ROBO2: variants seen among roughly 807,000 people sequenced by gnomAD.
The protein encoded by ROBO2 is roundabout guidance receptor 2.
A neutral mutation model predicts 160.8 loss-of-function variants in ROBO2; 53 were observed. The observed-to-expected ratio is 0.33, with a 90% CI of 0.26 to 0.41. ROBO2 has a LOEUF of 0.41. ROBO2 is among the 10% of genes least tolerant of loss of function. The pLI is 1.00. For synonymous variants in ROBO2, 664 were observed against 611.7 expected (o/e 1.09, Z -1.26); for missense variants, 1,577 against 1,722.4 (o/e 0.92, Z 1.49).
At chr3:76,586,686 C>G (rs560687527) in intron 2 of ROBO2, among the ~76,000 whole-genome samples, 21 of 152,180 alleles carry the variant, frequency 1.4e-4, no homozygotes, top group Admixed American at 1.4e-3. Context: ...CCATATTGCA[C>G]AACATAGTAT....
At chr3:77,351,727 G>A (rs952401970) in intron 2 of ROBO2, among the ~76,000 whole-genome samples, 1 of 152,130 alleles carries the variant, frequency 6.6e-6, no homozygotes, top group Non-Finnish European at 1.5e-5. Flanking sequence ...TCAGCCTAAA[G>A]CTGTTGAGAG....
intron 2 of ROBO2, among the ~76,000 whole-genome samples, chr3:77,024,438 A>G (rs1291943593): frequency 1.3e-5 from 2 of 152,226 alleles, no homozygotes; most frequent in Non-Finnish European, 2.9e-5. Context: ...GGACGGAATC[A>G]GCAAAACAGG....
intron 13 of ROBO2, among the ~76,000 whole-genome samples, chr3:77,571,025 A>G (rs1240204759): frequency 6.6e-6 from 1 of 152,058 alleles, no homozygotes; most frequent in Non-Finnish European, 1.5e-5. Context: ...GCTGTTCCAC[A>G]AAGAAAAATA....
At chr3:76,213,132 T>A (rs1703258219) in intron 2 of ROBO2, among the ~76,000 whole-genome samples, 1 of 152,110 alleles carries the variant, frequency 6.6e-6, no homozygotes, top group Admixed American at 6.6e-5. Context: ...ATGGGTAGAA[T>A]TTCAATGATA....
At chr3:76,531,495 CTT>C (rs1169351190) in intron 2 of ROBO2, among the ~76,000 whole-genome samples, 1 of 142,988 alleles carries the variant, frequency 7.0e-6, no homozygotes, top group Non-Finnish European at 1.6e-5. Flanking sequence ...TTTTAATTAA[CTT>C]ATGATTTTAT....
chr3:76,823,967 T>A (rs928043156), intron 2 of ROBO2, among the ~76,000 whole-genome samples: 10 of 152,172 alleles, frequency 6.6e-5, no homozygotes, highest in Non-Finnish European at 1.5e-4. Flanking sequence ...AAAAGTTTGC[T>A]TGTAAAACAG....
At chr3:77,432,824 T>C (rs866336400) in intron 2 of ROBO2, among the ~76,000 whole-genome samples, 1 of 152,188 alleles carries the variant, frequency 6.6e-6, no homozygotes, top group African/African-American at 2.4e-5. Context: ...TGCTGGTTTA[T>C]TGTGTCTCAC....
intron 2 of ROBO2, among the ~76,000 whole-genome samples, chr3:76,353,117 G>A (rs1306915442): frequency 6.6e-6 from 1 of 151,970 alleles, no homozygotes; most frequent in East Asian, 1.9e-4. Flanking sequence ...TGCAAACAAG[G>A]TTAAAATGGA....
At chr3:77,283,153 G>A (rs1243836726) in intron 2 of ROBO2, among the ~76,000 whole-genome samples, 2 of 152,062 alleles carry the variant, frequency 1.3e-5, no homozygotes, top group Admixed American at 1.3e-4. Context: ...AGAAAAATAT[G>A]TATAATATAT....
At chr3:76,861,698 G>T (rs1025903165) in intron 2 of ROBO2, among the ~76,000 whole-genome samples, 1 of 152,076 alleles carries the variant, frequency 6.6e-6, no homozygotes, top group African/African-American at 2.4e-5. Context: ...TTGATATCAG[G>T]TTGGTATCTT....
chr3:77,477,626 CAAAATAG>C, intron 3 of ROBO2, 55 bp downstream of exon 3: 6 of 1,488,360 alleles, frequency 4.0e-6, no homozygotes, highest in South Asian at 1.1e-5. Flanking sequence ...TCTCAAAATA[CAAAATAG>C]ATGTATTTTA....
intron 2 of ROBO2, among the ~76,000 whole-genome samples, chr3:77,451,263 A>G (rs924377071): frequency 3.9e-5 from 6 of 152,118 alleles, no homozygotes; most frequent in African/African-American, 1.4e-4. Flanking sequence ...TTGAATTTTA[A>G]AGTTTGAAAA....
intron 2 of ROBO2, among the ~76,000 whole-genome samples, chr3:76,267,802 A>G (rs555344608): frequency 1.3e-5 from 2 of 152,250 alleles, no homozygotes; most frequent in African/African-American, 4.8e-5. Flanking sequence ...AATTAAAGCT[A>G]TATTAATGAT....
At chr3:76,486,736 T>TA (rs1194286204) in intron 2 of ROBO2, among the ~76,000 whole-genome samples, 1 of 152,194 alleles carries the variant, frequency 6.6e-6, no homozygotes, top group African/African-American at 2.4e-5. Flanking sequence ...CTCAAAATGA[T>TA]AGCTAATACT....
rs114362394 is a variant in ROBO2 at position 76,863,750 on chromosome 3, G to A, written c.110-234264G>A. On this transcript the variant is annotated intron_variant, in intron 2 of 26. Coordinates refer to the ROBO2 transcript ENST00000487694. Reference sequence around the variant, plus strand: ...ATGAAATTAAATATATAACATGTAAGTTAATTATTATGAGAATGTGTGACT... The same window carrying A: ...ATGAAATTAAATATATAACATGTAAATTAATTATTATGAGAATGTGTGACT... Among the ~76,000 whole-genome samples, 3 of 151,932 alleles carry A rather than the reference G, an allele frequency of 2.0e-5. No individual in the cohort carries two copies. The South Asian group carries it at 6.2e-4, about 31-fold the overall frequency.
chr3:76,329,411 T>G (rs1339216553), intron 2 of ROBO2, among the ~76,000 whole-genome samples: 2 of 152,084 alleles, frequency 1.3e-5, no homozygotes, highest in East Asian at 1.9e-4. Flanking sequence ...AGAGATGGGG[T>G]TTCCCCGTGT....
At chr3:75,967,126 A>G (rs1407910428) in intron 2 of ROBO2, among the ~76,000 whole-genome samples, 1 of 151,684 alleles carries the variant, frequency 6.6e-6, no homozygotes, top group Non-Finnish European at 1.5e-5. Context: ...TCTTTTAAGG[A>G]GTACACCAAT....
chr3:75,977,220 A>G (rs544203677), intron 2 of ROBO2, among the ~76,000 whole-genome samples: 3 of 151,544 alleles, frequency 2.0e-5, no homozygotes, highest in Non-Finnish European at 3.0e-5. Flanking sequence ...CCCTGGCAAC[A>G]TAATAGACAC....
Position 76,806,513 on chromosome 3 carries a change from C to CAA in ROBO2, c.110-291493_110-291492dup, listed in dbSNP as rs534102700. Among the ~76,000 whole-genome samples, 217 of 147,896 alleles carry CAA rather than the reference C, an allele frequency of 1.5e-3. 1 individual carries two copies. Among genetic ancestry groups the CAA allele is most frequent in the African/African-American group, 5.3e-3 (212 of 40,278 alleles). The stretch of plus-strand genomic sequence containing the variant: ...TAGTTTGTCTTCAATAAGTGTTTGC[C>CAA]AAAAAAAAACATGAATAAAAATGAA... On this transcript the variant is annotated intron_variant, in intron 2 of 26. Coordinates refer to the ROBO2 transcript ENST00000487694.
Sources: allele counts gnomAD v4.1 joint callset (sites outside exome capture counted in the v4.1 genomes callset), GRCh38; gene constraint gnomAD v4.1.1; transcripts MANE v1.5; gene names NCBI Gene and HGNC (gene_info 2026-07-23, HGNC 2026-07-21).